Variants in DYTN observed in about 807,000 individuals in gnomAD.
DYTN encodes the protein dystrotelin.
In DYTN, 75 loss-of-function variants were observed where a neutral mutation model predicts 69.6. The observed-to-expected ratio is 1.08, with a 90% CI of 0.89 to 1.31. DYTN has a LOEUF of 1.31. Among genes scored for constraint, DYTN ranks in the 50% most tolerant of loss-of-function variants. DYTN has a pLI of 0.00. For synonymous variants in DYTN, 252 were observed against 249.1 expected, an observed-to-expected ratio of 1.01 and a Z score of -0.11; for missense variants, 726 against 688.4, an observed-to-expected ratio of 1.05 and a Z score of -0.61.
intron 8 of DYTN, among the ~76,000 whole-genome samples, chr2:206,694,275 T>A (rs770015454): frequency 6.6e-6 from 1 of 152,262 alleles, no homozygotes; most frequent in African/African-American, 2.4e-5. Flanking sequence ...GTTTTAGTTG[T>A]ATACTTTTTC....
At chr2:206,683,295 C>A (rs1574594787) in intron 9 of DYTN, among the ~76,000 whole-genome samples, 1 of 151,736 alleles carries the variant, frequency 6.6e-6, no homozygotes. Context: ...CTTACATTGG[C>A]CTTCCATCTG....
At chr2:206,677,335 T>A (rs901437062) in intron 9 of DYTN, among the ~76,000 whole-genome samples, 1 of 152,224 alleles carries the variant, frequency 6.6e-6, no homozygotes, top group Non-Finnish European at 1.5e-5. Flanking sequence ...TGTTAATGGC[T>A]ATCAGAAAGC....
chr2:206,694,493 A>G (rs1313709661), intron 8 of DYTN, among the ~76,000 whole-genome samples: 1 of 152,188 alleles, frequency 6.6e-6, no homozygotes, highest in Non-Finnish European at 1.5e-5. Flanking sequence ...CTCTTCACTG[A>G]CATTTTCTAT....
chr2:206,678,909 C>T (rs1435303935), intron 9 of DYTN: 1 of 152,132 alleles, frequency 6.6e-6, no homozygotes, highest in African/African-American at 2.4e-5. Flanking sequence ...GTCATATGAA[C>T]ATCTTAAAAA....
chr2:206,693,249 C>A lies in DYTN; in HGVS notation c.906G>T (p.Lys302Asn). Reference protein sequence around the residue: ...RNNLLQGRCRKKEAARRQQLL... With the variant: ...RNNLLQGRCRNKEAARRQQLL... ...GCTGCTGCCTTCTCGCTGCTTCTTT[C>A]TTCCTACAGCGCCCCTGAAGAAGGT... Residue 302 changes from lysine to asparagine, a missense_variant, in exon 9 of 12, where the codon AAG becomes AAT. By Grantham distance (94) the Lys-to-Asn change is moderately conservative (BLOSUM62 0). Coordinates refer to ENST00000452335, the MANE Select transcript of DYTN (RefSeq NM_001093730.1). 3 of 1,613,696 alleles carry A rather than the reference C, an allele frequency of 1.9e-6. No individual in the cohort carries two copies. Among genetic ancestry groups the A allele is most frequent in the Non-Finnish European group, 2.5e-6 (3 of 1,179,876 alleles).
intron 1 of DYTN, among the ~76,000 whole-genome samples, chr2:206,715,165 G>A (rs1332140165): frequency 6.6e-6 from 1 of 152,152 alleles, no homozygotes; most frequent in Non-Finnish European, 1.5e-5. Context: ...TCAGGGAACA[G>A]GCAGGTAGGA....
At chr2:206,697,756 A>T (rs189172296) in intron 7 of DYTN, among the ~76,000 whole-genome samples, 1 of 152,272 alleles carries the variant, frequency 6.6e-6, no homozygotes, top group East Asian at 1.9e-4. Flanking sequence ...ATTGCCTTGG[A>T]TGCATAAGGG....
At chr2:206,665,568 A>G (rs1226532078) in intron 10 of DYTN, among the ~76,000 whole-genome samples, 6 of 152,188 alleles carry the variant, frequency 3.9e-5, no homozygotes, top group Non-Finnish European at 5.9e-5. Context: ...GGGTTCTCAA[A>G]TATTTTTAAG....
At chr2:206,716,689 G>C (rs1375861488) in intron 1 of DYTN, among the ~76,000 whole-genome samples, 1 of 152,066 alleles carries the variant, frequency 6.6e-6, no homozygotes, top group African/African-American at 2.4e-5. Context: ...TAATAGGGTG[G>C]AAATAATTTA....
At chr2:206,659,890 T>C (rs1699493988) in intron 11 of DYTN, among the ~76,000 whole-genome samples, 1 of 152,108 alleles carries the variant, frequency 6.6e-6, no homozygotes, top group African/African-American at 2.4e-5. Context: ...CTTAAGGAAA[T>C]AAGACTAATA....
chr2:206,658,315 T>G (rs1322312661), intron 11 of DYTN, among the ~76,000 whole-genome samples: 1 of 152,202 alleles, frequency 6.6e-6, no homozygotes, highest in African/African-American at 2.4e-5. Context: ...GTAATTCAAA[T>G]ATTACTATTT....
intron 9 of DYTN, among the ~76,000 whole-genome samples, chr2:206,680,735 T>C (rs945219350): frequency 1.3e-5 from 2 of 152,158 alleles, no homozygotes; most frequent in Non-Finnish European, 2.9e-5. Context: ...AATACCCTAT[T>C]CTAAAGTGAA....
intron 9 of DYTN, among the ~76,000 whole-genome samples, chr2:206,692,265 TAA>T (rs11379805): frequency 3.4e-4 from 44 of 128,160 alleles, no homozygotes; most frequent in Admixed American, 3.2e-4. Flanking sequence ...ATCTTGTCTC[TAA>T]AAAAAAAAAA....
chr2:206,717,023 A>AT (rs1700135999), intron 1 of DYTN, among the ~76,000 whole-genome samples: 4 of 140,010 alleles, frequency 2.9e-5, no homozygotes, highest in East Asian at 4.4e-4. Context: ...TAACTTTTAC[A>AT]TTTTTTTTCT....
intron 10 of DYTN, 21 bp from the exon 11 acceptor site, chr2:206,663,416 T>C (rs1156314055): frequency 6.5e-7 from 1 of 1,544,494 alleles, no homozygotes; most frequent in Admixed American, 2.2e-5. Flanking sequence ...AAAACTTTAT[T>C]TATGAAGAAA....
intron 11 of DYTN, among the ~76,000 whole-genome samples, chr2:206,661,009 A>G (rs1299715584): frequency 6.6e-6 from 1 of 152,210 alleles, no homozygotes; most frequent in East Asian, 1.9e-4. Context: ...TAATTAAGTT[A>G]AAATGAGGTC....
At chr2:206,655,587 ATT>A (rs146939602) in intron 11 of DYTN, among the ~76,000 whole-genome samples, 9 of 138,246 alleles carry the variant, frequency 6.5e-5, no homozygotes, top group South Asian at 2.3e-4. Flanking sequence ...TTAAAAAAAA[ATT>A]TTTTTTTTTT....
chr2:206,664,246 A>G (rs1402919759), intron 10 of DYTN, among the ~76,000 whole-genome samples: 1 of 152,234 alleles, frequency 6.6e-6, no homozygotes, highest in Non-Finnish European at 1.5e-5. Flanking sequence ...CTTGTGTCAA[A>G]GAAAGACTGA....
At chr2:206,714,937 T>C (rs1411000898) in intron 1 of DYTN, among the ~76,000 whole-genome samples, 1 of 152,004 alleles carries the variant, frequency 6.6e-6, no homozygotes, top group Non-Finnish European at 1.5e-5. Flanking sequence ...TAACTCAGCC[T>C]AAATTTCTTT....
Sources: allele counts gnomAD v4.1 joint callset (sites outside exome capture counted in the v4.1 genomes callset), GRCh38; gene constraint gnomAD v4.1.1; transcripts MANE v1.5; gene names NCBI Gene and HGNC (gene_info 2026-07-23, HGNC 2026-07-21).